Variants in USP9Y observed in about 807,000 individuals in gnomAD.
The protein encoded by USP9Y is ubiquitin carboxyl-terminal hydrolase 9Y.
Under a neutral mutation model 53.1 loss-of-function variants are expected in USP9Y, and 41 were observed. That is an observed-to-expected ratio of 0.77 (90% CI 0.60 to 1.00). The LOEUF is 1.00. Ranked by LOEUF, USP9Y falls within the 50% of genes least tolerant of loss-of-function variation. USP9Y has a pLI of 0.00. For synonymous variants in USP9Y, 220 were observed against 173.7 expected, an observed-to-expected ratio of 1.27 and a Z score of -2.09; for missense variants, 567 against 535.8, an observed-to-expected ratio of 1.06 and a Z score of -0.58.
At chrY:12,758,712 CA>C in intron 14 of USP9Y, 70 bp downstream of exon 14, 1 of 212,100 alleles carries the variant, frequency 4.7e-6, no homozygotes, top group Non-Finnish European at 7.4e-6. Context: ...TGTATGAAAG[CA>C]AATTTTAAAG....
chrY:12,764,749 A>G (rs747633065), intron 15 of USP9Y, among the ~76,000 whole-genome samples: 1 of 34,027 alleles, frequency 2.9e-5, no homozygotes, highest in South Asian at 6.5e-4. Flanking sequence ...CTAGACTTGC[A>G]GAAAAGAAAG....
chrY:12,733,094 T>G, intron 7 of USP9Y, among the ~76,000 whole-genome samples: 5 of 28,252 alleles, frequency 1.8e-4, no homozygotes, highest in Non-Finnish European at 4.2e-4. Context: ...AGTTTTTGTA[T>G]TTTTAGTAGA....
intron 3 of USP9Y, among the ~76,000 whole-genome samples, chrY:12,710,283 T>C (rs573219185): frequency 8.0e-3 from 271 of 33,905 alleles, no homozygotes; most frequent in African/African-American, 0.028. Flanking sequence ...TGCTGACCTA[T>C]TTGGAAATAA....
At chrY:12,726,472 C>A in intron 6 of USP9Y, 103 bp from the exon 7 acceptor site, 3 of 191,806 alleles carry the variant, frequency 1.6e-5, no homozygotes, top group South Asian at 1.2e-4. Flanking sequence ...ATTAAGATGA[C>A]CAGTGCAGAA....
Position 12,778,010 on chromosome Y carries a change from A to G in USP9Y, c.2640-9A>G. 2.6e-6 allele frequency: 1 copy of G among 383,439 alleles called. No homozygotes were observed. Among genetic ancestry groups the G allele is most frequent in the African/African-American group, 6.5e-5 (1 of 15,447 alleles). On this transcript the variant is annotated splice_polypyrimidine_tract_variant and intron_variant, in intron 19 of 45. Coordinates refer to ENST00000338981, the MANE Select transcript of USP9Y (RefSeq NM_004654.4). Reference sequence around the variant, plus strand: ...TAAAATTCTTTTTATTTACTTATTTATTTTTCAGAGCATTTCGTGGCAAAC... The same window carrying G: ...TAAAATTCTTTTTATTTACTTATTTGTTTTTCAGAGCATTTCGTGGCAAAC...
chrY:12,738,276 A>G lies in USP9Y; in HGVS notation c.1284A>G (p.Thr428=). The change falls in exon 11 of 46, where the codon ACA becomes ACG. Residue 428 remains threonine (T), a synonymous_variant. Coordinates refer to ENST00000338981, the MANE Select transcript of USP9Y (RefSeq NM_004654.4). ...LRFVIKEKAL[T]LQDLDNIWAA... is the part of the protein sequence containing the mutation. ...TTGTGATTAAAGAAAAGGCTCTTAC[A>G]TTACAGGACCTTGATAATATCTGGG... The G allele has an allele frequency of 2.5e-6, 1 of 396,685 alleles. No individual in the cohort carries two copies. Among genetic ancestry groups the G allele is most frequent in the Non-Finnish European group, 3.5e-6 (1 of 282,758 alleles).
At chrY:12,822,386 T>C in intron 33 of USP9Y, among the ~76,000 whole-genome samples, 1 of 30,939 alleles carries the variant, frequency 3.2e-5, no homozygotes. Flanking sequence ...TTTTTTTTTT[T>C]CACAGTATCA....
chrY:12,847,336 C>T lies in USP9Y; in HGVS notation c.7064+9C>T. Reference sequence around the variant, plus strand: ...TCCTGGCAGACTCACAGGTGAATACCCTTTTGCCACCAGAATAATTAGAAT... The same window carrying T: ...TCCTGGCAGACTCACAGGTGAATACTCTTTTGCCACCAGAATAATTAGAAT... On this transcript the variant is annotated intron_variant, in intron 42 of 45. Coordinates refer to ENST00000338981, the MANE Select transcript of USP9Y (RefSeq NM_004654.4). 1 of 342,298 alleles carries T rather than the reference C, an allele frequency of 2.9e-6. No homozygotes were observed. 85.4% of individuals were successfully genotyped at this position (342,298 alleles called of 400,897 possible). A position where few individuals can be genotyped will look rare whatever the true frequency, so the allele number is the denominator to read the frequency against.
intron 3 of USP9Y, among the ~76,000 whole-genome samples, chrY:12,709,848 C>T: frequency 6.4e-5 from 2 of 31,242 alleles, no homozygotes; most frequent in African/African-American, 1.3e-4. Flanking sequence ...GGGAGGCTGA[C>T]GCAAGAGCAT....
rs778110413 is a variant in USP9Y, at chrY:12,793,052, G to A, written c.3834G>A (p.Lys1278=). The change falls in exon 27 of 46, where the codon AAG becomes AAA. Residue 1278 remains lysine, a synonymous_variant. Coordinates refer to ENST00000338981, the MANE Select transcript of USP9Y (RefSeq NM_004654.4). ...IYQMTTNGSN[K]LEVEDEQVCC... ...TGCAGACCACCAATGGAAGCAATAA[G>A]CTGGAGGTGGAAGATGAACAAGTTT... is the stretch of plus-strand genomic sequence containing the variant. 1.7e-4 allele frequency: 66 copies of A among 397,210 alleles called. No homozygotes were observed. The East Asian group carries it at 5.7e-3, about 35-fold the overall frequency.
At chrY:12,842,992 T>C in intron 38 of USP9Y, 72 bp from the exon 39 acceptor site, 3 of 350,679 alleles carry the variant, frequency 8.6e-6, no homozygotes, top group Non-Finnish European at 1.2e-5. Context: ...TATAGGAACA[T>C]AACCTTTTGT....
At chrY:12,818,954 C>T (rs2053538703) in intron 33 of USP9Y, among the ~76,000 whole-genome samples, 4 of 33,440 alleles carry the variant, frequency 1.2e-4, no homozygotes, top group East Asian at 7.8e-4. Context: ...CCAAGGCTGG[C>T]GGATCACCTG....
Position 12,791,505 on chromosome Y carries a change from A to G in USP9Y, c.3694A>G (p.Arg1232Gly). Reference sequence around the variant, plus strand: ...ATTTATTTCTTTTCTGCAGGCTTCAAGATATATGCCTGATATTTGTGTAAT... The same window carrying G: ...ATTTATTTCTTTTCTGCAGGCTTCAGGATATATGCCTGATATTTGTGTAAT... ...LAQEISNEAS[R>G]YMPDICVIRA... The change falls in exon 26 of 46, where the codon AGA becomes GGA. Residue 1232 changes from arginine to glycine, a missense_variant. Transcript: ENST00000338981. The G allele has an allele frequency of 2.5e-6, 1 of 395,533 alleles. No homozygotes were observed. The highest frequency in any genetic ancestry group is 3.0e-5 in the South Asian group (1 of 33,490).
At chrY:12,762,690 C>A in intron 15 of USP9Y, among the ~76,000 whole-genome samples, 9 of 33,658 alleles carry the variant, frequency 2.7e-4, no homozygotes, top group Non-Finnish European at 5.2e-4. Flanking sequence ...ATTTGTAAAA[C>A]AAGAATAACA....
intron 15 of USP9Y, among the ~76,000 whole-genome samples, chrY:12,769,777 A>AGTGTGT (rs34777653): frequency 3.4e-5 from 1 of 29,727 alleles, no homozygotes; most frequent in Non-Finnish European, 8.2e-5. Context: ...CTTTTGAATA[A>AGTGTGT]GTGTGTGTGT....
At chrY:12,746,878 C>T (rs2053461156) in intron 12 of USP9Y, among the ~76,000 whole-genome samples, 1 of 30,544 alleles carries the variant, frequency 3.3e-5, no homozygotes, top group African/African-American at 1.3e-4. Context: ...GGACTACAGG[C>T]GCCCACCACC....
chrY:12,774,327 G>A (rs2053490132), intron 17 of USP9Y, among the ~76,000 whole-genome samples: 1 of 31,854 alleles, frequency 3.1e-5, no homozygotes, highest in Admixed American at 2.9e-4. Flanking sequence ...TTATCCGGGC[G>A]TGGTGGTAGG....
intron 12 of USP9Y, among the ~76,000 whole-genome samples, chrY:12,753,248 A>C: frequency 1.2e-4 from 4 of 34,020 alleles, no homozygotes; most frequent in African/African-American, 2.3e-4. Flanking sequence ...AGGTGTGAAC[A>C]GCCATGTACA....
At chrY:12,855,906 A>G (rs2053575596) in intron 42 of USP9Y, among the ~76,000 whole-genome samples, 1 of 31,926 alleles carries the variant, frequency 3.1e-5, no homozygotes, top group African/African-American at 1.2e-4. Flanking sequence ...ACAAACTACA[A>G]TCATGCCACT....
Sources: allele counts gnomAD v4.1 joint callset (sites outside exome capture counted in the v4.1 genomes callset), GRCh38; gene constraint gnomAD v4.1.1; transcripts MANE v1.5; gene names NCBI Gene and HGNC (gene_info 2026-07-23, HGNC 2026-07-21).